Variants in BACH2 observed in about 807,000 individuals in gnomAD.
BACH2 encodes BACH transcriptional regulator 2.
A neutral mutation model predicts 61.8 loss-of-function variants in BACH2; 5 were observed. The observed-to-expected ratio is 0.08, with a 90% CI of 0.04 to 0.17. The LOEUF (loss-of-function observed/expected upper bound fraction) is 0.17, where lower values mean the gene tolerates loss of function less well. Among genes scored for constraint, BACH2 ranks in the 10% least tolerant of loss-of-function variants. The probability of loss-of-function intolerance (pLI) is 1.00; values close to 1 mark genes in which losing one functional copy is unlikely to be tolerated. For synonymous variants in BACH2, 446 were observed against 440.1 expected, an observed-to-expected ratio of 1.01 and a Z score of -0.17; for missense variants, 824 against 1,091.1, an observed-to-expected ratio of 0.76 and a Z score of 3.45.
Position 90,121,112 on chromosome 6 carries a change from A to C in BACH2, c.-161-32003T>G, listed in dbSNP as rs532277786. Among the ~76,000 whole-genome samples, 114 of 152,346 alleles carry C rather than the reference A, an allele frequency of 7.5e-4. 1 individual carries two copies. In the Middle Eastern group the frequency reaches 0.017, roughly 23 times the overall value. ...CCTCACTTAAAGAGACTGAAAATGG[A>C]AATCATGCAATAATGTGCATGAAAG... On this transcript the variant is annotated intron_variant, in intron 4 of 8. Coordinates refer to ENST00000257749, the MANE Select transcript of BACH2 (RefSeq NM_021813.4).
intron 5 of BACH2, among the ~76,000 whole-genome samples, chr6:90,065,683 A>T (rs566074596): frequency 6.6e-6 from 1 of 152,236 alleles, no homozygotes; most frequent in Non-Finnish European, 1.5e-5. Flanking sequence ...CAACTCACAG[A>T]ATCGTGAGAA....
intron 4 of BACH2, among the ~76,000 whole-genome samples, chr6:90,166,490 A>G (rs1767622881): frequency 6.6e-6 from 1 of 152,246 alleles, no homozygotes; most frequent in Non-Finnish European, 1.5e-5. Flanking sequence ...TGCAGAAGTC[A>G]GTGTGGCGAT....
At chr6:90,052,490 G>C (rs899107049) in intron 5 of BACH2, among the ~76,000 whole-genome samples, 1 of 152,018 alleles carries the variant, frequency 6.6e-6, no homozygotes, top group Non-Finnish European at 1.5e-5. Flanking sequence ...CATGATCTTG[G>C]CTCACTGCAA....
At chr6:90,226,240 C>A (rs1029654013) in intron 3 of BACH2, among the ~76,000 whole-genome samples, 1 of 152,152 alleles carries the variant, frequency 6.6e-6, no homozygotes, top group Admixed American at 6.5e-5. Context: ...CTATGAAGGA[C>A]TTTTCTTCAG....
intron 1 of BACH2, among the ~76,000 whole-genome samples, chr6:90,284,387 T>C (rs935394905): frequency 6.6e-6 from 1 of 152,218 alleles, no homozygotes; most frequent in Non-Finnish European, 1.5e-5. Context: ...CATTTTCTGT[T>C]AACCTTCCTC....
intron 2 of BACH2, among the ~76,000 whole-genome samples, chr6:90,259,189 T>A (rs934443091): frequency 6.6e-6 from 1 of 152,354 alleles, no homozygotes; most frequent in Middle Eastern, 3.4e-3. Context: ...CCATGTATTA[T>A]AATGTTAGCT....
In BACH2 at chr6:90,200,553, G is replaced by A. The variant is rs779078572; in HGVS notation, c.-162+6016C>T. On this transcript the variant is annotated intron_variant, in intron 4 of 8. Coordinates refer to ENST00000257749, the MANE Select transcript of BACH2 (RefSeq NM_021813.4). Reference sequence around the variant, plus strand: ...TTTGACCACTCTCTGTTTTCTATCTGCTCACTAAATATCTTCATCCATTTG... The same window carrying A: ...TTTGACCACTCTCTGTTTTCTATCTACTCACTAAATATCTTCATCCATTTG... Among the ~76,000 whole-genome samples the A allele has an allele frequency of 2.5e-4, 38 of 152,156 alleles. 1 individual carries two copies. In the South Asian group the frequency reaches 4.4e-3, roughly 17 times the overall value.
intron 5 of BACH2, among the ~76,000 whole-genome samples, chr6:90,060,876 G>A (rs890964120): frequency 3.3e-5 from 5 of 152,114 alleles, no homozygotes; most frequent in Non-Finnish European, 5.9e-5. Context: ...CCACATGACC[G>A]TCACACACAA....
At chr6:90,001,729 A>C (rs1415432655) in intron 6 of BACH2, among the ~76,000 whole-genome samples, 1 of 152,104 alleles carries the variant, frequency 6.6e-6, no homozygotes, top group Non-Finnish European at 1.5e-5. Flanking sequence ...CAGAGTCCTC[A>C]CCTCACATTT....
intron 5 of BACH2, among the ~76,000 whole-genome samples, chr6:90,060,772 G>A (rs1033533800): frequency 6.6e-6 from 1 of 151,980 alleles, no homozygotes; most frequent in African/African-American, 2.4e-5. Context: ...GCTTTATCTG[G>A]AATTTAGTGG....
intron 1 of BACH2, among the ~76,000 whole-genome samples, chr6:90,295,778 C>T (rs557278068): frequency 1.3e-5 from 2 of 152,214 alleles, no homozygotes; most frequent in Middle Eastern, 3.4e-3. Flanking sequence ...ACGCGGGACG[C>T]TTTCCGACAA....
intron 4 of BACH2, among the ~76,000 whole-genome samples, chr6:90,175,612 C>A (rs1385003300): frequency 6.6e-6 from 1 of 151,966 alleles, no homozygotes; most frequent in East Asian, 1.9e-4. Flanking sequence ...GTTGGGAAAT[C>A]AGATCTCAGA....
At chr6:90,181,071 T>C (rs921746030) in intron 4 of BACH2, among the ~76,000 whole-genome samples, 2 of 152,242 alleles carry the variant, frequency 1.3e-5, no homozygotes, top group African/African-American at 4.8e-5. Flanking sequence ...GATCTACTTT[T>C]AGTTCTTTGA....
intron 4 of BACH2, among the ~76,000 whole-genome samples, chr6:90,140,166 A>T (rs1784416479): frequency 6.6e-6 from 1 of 152,162 alleles, no homozygotes; most frequent in Non-Finnish European, 1.5e-5. Flanking sequence ...TCCCTTTAAG[A>T]CTTCCTAGAA....
At chr6:90,041,068 C>A (rs1034109699) in intron 5 of BACH2, among the ~76,000 whole-genome samples, 22 of 152,116 alleles carry the variant, frequency 1.4e-4, no homozygotes, top group Non-Finnish European at 3.1e-4. Flanking sequence ...TACTTTCTTT[C>A]TCTTGTACTG....
chr6:90,212,247 T>TA (rs1769380110), intron 3 of BACH2, among the ~76,000 whole-genome samples: 1 of 152,148 alleles, frequency 6.6e-6, no homozygotes, highest in South Asian at 2.1e-4. Flanking sequence ...CCTTCTACCA[T>TA]AGGGGGCATG....
At chr6:90,041,508 T>C (rs1437261516) in intron 5 of BACH2, among the ~76,000 whole-genome samples, 1 of 152,032 alleles carries the variant, frequency 6.6e-6, no homozygotes, top group African/African-American at 2.4e-5. Flanking sequence ...TGAACCTCAT[T>C]TGGTTATGGT....
chr6:90,123,745 G>C (rs1271154246), intron 4 of BACH2, among the ~76,000 whole-genome samples: 1 of 137,674 alleles, frequency 7.3e-6, no homozygotes, highest in African/African-American at 2.8e-5. Context: ...ACTCCAGCCT[G>C]GGCGACAGAG....
intron 3 of BACH2, among the ~76,000 whole-genome samples, chr6:90,238,727 C>T (rs1196628286): frequency 6.6e-6 from 1 of 152,188 alleles, no homozygotes; most frequent in Non-Finnish European, 1.5e-5. Context: ...AACTGAACAG[C>T]AACTCTGGTA....
Sources: gnomAD v4.1 joint callset for allele counts (sites outside exome capture counted in the v4.1 genomes callset) on GRCh38, gnomAD v4.1.1 for gene constraint, MANE v1.5 for transcripts, NCBI Gene and HGNC (gene_info 2026-07-23, HGNC 2026-07-21) for gene names.